The following DAB2IP variants were observed in gnomAD, a reference collection of about 807,000 sequenced individuals.
DAB2IP encodes the protein disabled homolog 2-interacting protein.
Under a neutral mutation model 107.2 loss-of-function variants are expected in DAB2IP, and 28 were observed. The ratio of observed to expected loss-of-function variants is 0.26; its 90% CI spans 0.19 to 0.36. The LOEUF (loss-of-function observed/expected upper bound fraction) is 0.36, where lower values mean the gene tolerates loss of function less well. DAB2IP is among the 10% of genes least tolerant of loss of function. The pLI is 1.00. For missense variants in DAB2IP, 1,400 were observed against 1,644.7 expected (o/e 0.85, Z 2.57); for synonymous variants, 755 against 706.4 (o/e 1.07, Z -1.09).
intron 3 of DAB2IP, among the ~76,000 whole-genome samples, chr9:121,709,082 C>A (rs1830201073): frequency 1.3e-5 from 2 of 152,214 alleles, no homozygotes; most frequent in Admixed American, 6.5e-5. Flanking sequence ...CTGAGTCAGT[C>A]TCCCAGAGCT....
chr9:121,769,757 TCACTGC>T (rs1834560601), intron 10 of DAB2IP, among the ~76,000 whole-genome samples: 1 of 152,242 alleles, frequency 6.6e-6, no homozygotes, highest in Non-Finnish European at 1.5e-5. Context: ...CTAGTCACTG[TCACTGC>T]CACCACTTAC....
intron 4 of DAB2IP, 66 bp downstream of exon 4, chr9:121,757,232 G>A: frequency 6.4e-7 from 1 of 1,571,486 alleles, no homozygotes; most frequent in Non-Finnish European, 8.6e-7. Flanking sequence ...GTCTCCTCCA[G>A]ACATCCTCCT....
intron 3 of DAB2IP, chr9:121,737,590 C>T (rs1231997645): frequency 2.0e-6 from 2 of 985,276 alleles, no homozygotes; most frequent in East Asian, 1.1e-4. Context: ...AGATCCTGGG[C>T]CGGGCCGGAG....
chr9:121,625,692 C>A (rs1831621136), intron 1 of DAB2IP, among the ~76,000 whole-genome samples: 1 of 150,440 alleles, frequency 6.6e-6, no homozygotes, highest in African/African-American at 2.5e-5. Context: ...CCAATGATGC[C>A]AGTTCTGAAC....
intron 13 of DAB2IP, among the ~76,000 whole-genome samples, chr9:121,775,867 G>T (rs537550761): frequency 6.6e-6 from 1 of 152,274 alleles, no homozygotes; most frequent in South Asian, 2.1e-4. Flanking sequence ...TGTATCCAAG[G>T]GTTTTTTAAC....
intron 3 of DAB2IP, among the ~76,000 whole-genome samples, chr9:121,710,469 TATTCTC>T (rs1830285430): frequency 6.6e-6 from 1 of 152,130 alleles, no homozygotes; most frequent in Non-Finnish European, 1.5e-5. Context: ...ACTTATCACT[TATTCTC>T]AAGCGTCTTT....
intron 3 of DAB2IP, among the ~76,000 whole-genome samples, chr9:121,703,205 C>A (rs1271275635): frequency 6.6e-6 from 1 of 152,132 alleles, no homozygotes; most frequent in Non-Finnish European, 1.5e-5. Context: ...TCAATTCTGC[C>A]CCTTGTGGTG....
chr9:121,620,993 CT>C (rs1831442254), intron 1 of DAB2IP, among the ~76,000 whole-genome samples: 1 of 152,244 alleles, frequency 6.6e-6, no homozygotes, highest in South Asian at 2.1e-4. Context: ...TCGCATTCAC[CT>C]GCTCCCCCAG....
chr9:121,783,421 G>C (rs1309841098), exon 16 of DAB2IP: 1 of 1,603,144 alleles, frequency 6.2e-7, no homozygotes, highest in African/African-American at 1.3e-5. Flanking sequence ...AGTGCCACCT[G>C]GTGCTCACCC....
At chr9:121,750,328 C>T (rs558514572) in intron 3 of DAB2IP, among the ~76,000 whole-genome samples, 4 of 152,000 alleles carry the variant, frequency 2.6e-5, no homozygotes, top group South Asian at 4.2e-4. Context: ...TGTGCGCGCG[C>T]GCGTGTGTGT....
chr9:121,567,555 C>A (rs558361236), intron 1 of DAB2IP, among the ~76,000 whole-genome samples: 1 of 152,228 alleles, frequency 6.6e-6, no homozygotes, highest in East Asian at 1.9e-4. Flanking sequence ...GCCTACCTCG[C>A]TGTTCGCCAG....
intron 1 of DAB2IP, among the ~76,000 whole-genome samples, chr9:121,624,577 A>G (rs1464120752): frequency 6.6e-6 from 1 of 152,238 alleles, no homozygotes; most frequent in East Asian, 1.9e-4. Context: ...TTCTGTGTTT[A>G]CATACATGAA....
chr9:121,680,867 C>T (rs867145080), intron 2 of DAB2IP, among the ~76,000 whole-genome samples: 3 of 151,926 alleles, frequency 2.0e-5, no homozygotes, highest in South Asian at 2.1e-4. Context: ...CTCAGCCCCC[C>T]GAGTAGCTGG....
chr9:121,617,947 A>G (rs1192172641), intron 1 of DAB2IP, among the ~76,000 whole-genome samples: 1 of 152,182 alleles, frequency 6.6e-6, no homozygotes, highest in African/African-American at 2.4e-5. Context: ...ACTTGAGTCT[A>G]TGTTTAATCA....
intron 2 of DAB2IP, among the ~76,000 whole-genome samples, chr9:121,691,816 G>A (rs1185481602): frequency 6.6e-6 from 1 of 152,160 alleles, no homozygotes; most frequent in Non-Finnish European, 1.5e-5. Flanking sequence ...ATTACCCTTA[G>A]GACCTAAAGA....
chr9:121,580,398 G>T (rs899490397), intron 1 of DAB2IP, among the ~76,000 whole-genome samples: 4 of 152,152 alleles, frequency 2.6e-5, no homozygotes, highest in Non-Finnish European at 4.4e-5. Context: ...GAGACCTAAG[G>T]CCAGGTACAG....
At chr9:121,783,445 G>GA in exon 16 of DAB2IP, 1 of 1,611,878 alleles carries the variant, frequency 6.2e-7, no homozygotes, top group Non-Finnish European at 8.5e-7. Context: ...AAGAAAAGGT[G>GA]ATCCTTCCTC....
At chr9:121,626,082 T>C (rs916908591) in intron 1 of DAB2IP, among the ~76,000 whole-genome samples, 1 of 152,154 alleles carries the variant, frequency 6.6e-6, no homozygotes, top group Non-Finnish European at 1.5e-5. Context: ...AGCTCCCTAC[T>C]AAGAAGGGCA....
rs761981602 is a variant in DAB2IP at position 121,701,483 on chromosome 9, T to C, written c.362+2025T>C. Among the ~76,000 whole-genome samples, 52 of 152,214 alleles carry C rather than the reference T, an allele frequency of 3.4e-4. No homozygotes were observed. The highest frequency in any genetic ancestry group is 6.0e-4 in the Non-Finnish European group (41 of 68,034). ...CTGGCAGCGGTGTGGAATTGTCTTA[T>C]TAATTTTCTATAAACAAAATATGGC... On this transcript the variant is annotated intron_variant, in intron 3 of 15. Transcript: ENST00000408936. This position sits in a 1 kb window ranked among gnomAD's most constrained non-coding sequence, Gnocchi z 4.7.
Sources: allele counts gnomAD v4.1 joint callset (sites outside exome capture counted in the v4.1 genomes callset), GRCh38; gene constraint gnomAD v4.1.1; non-coding constraint Gnocchi (gnomAD v3.1); transcripts MANE v1.5; gene names NCBI Gene and HGNC (gene_info 2026-07-23, HGNC 2026-07-21).